Variants in KLHL1 observed in about 807,000 individuals in gnomAD.
The protein encoded by KLHL1 is kelch-like protein 1.
In KLHL1, 47 loss-of-function variants were observed where a neutral mutation model predicts 77.7. The ratio of observed to expected loss-of-function variants is 0.60; its 90% CI spans 0.48 to 0.77. KLHL1 has a LOEUF of 0.77. Ranked by LOEUF, KLHL1 falls within the 30% of genes least tolerant of loss-of-function variation. The probability of loss-of-function intolerance (pLI) is 0.00; values close to 1 mark genes in which losing one functional copy is unlikely to be tolerated. For missense variants in KLHL1, 925 were observed against 910.8 expected (o/e 1.02, Z -0.20); for synonymous variants, 360 against 325.2 (o/e 1.11, Z -1.15).
At chr13:69,713,371 A>T (rs986235819) in intron 9 of KLHL1, among the ~76,000 whole-genome samples, 2 of 152,124 alleles carry the variant, frequency 1.3e-5, no homozygotes, top group Admixed American at 1.3e-4. Context: ...TTCTCATTCT[A>T]ATGAAAATCA....
chr13:70,013,631 T>C (rs910874260), intron 1 of KLHL1, among the ~76,000 whole-genome samples: 3 of 152,140 alleles, frequency 2.0e-5, no homozygotes, highest in African/African-American at 7.2e-5. Flanking sequence ...AAATGAATTA[T>C]GTTTCCTTAG....
intron 1 of KLHL1, among the ~76,000 whole-genome samples, chr13:70,003,806 G>T (rs1483871748): frequency 1.3e-5 from 2 of 151,644 alleles, no homozygotes; most frequent in Admixed American, 6.6e-5. Flanking sequence ...TAGGAGTAAG[G>T]AATTAAGTAG....
At chr13:70,000,278 A>G (rs1022849643) in intron 1 of KLHL1, among the ~76,000 whole-genome samples, 13 of 152,170 alleles carry the variant, frequency 8.5e-5, no homozygotes, top group African/African-American at 2.9e-4. Flanking sequence ...TAAAGACAAA[A>G]AAGAATAGCT....
intron 1 of KLHL1, among the ~76,000 whole-genome samples, chr13:70,075,561 G>GTA (rs369733589): frequency 0.41 from 47,719 of 117,094 alleles, 10,355 homozygotes; most frequent in African/African-American, 0.52. Context: ...ACCTGTGTGT[G>GTA]TGTATGTGTA....
chr13:69,931,472 A>C (rs1883002761), intron 4 of KLHL1, among the ~76,000 whole-genome samples: 2 of 151,732 alleles, frequency 1.3e-5, no homozygotes, highest in Admixed American at 6.6e-5. Flanking sequence ...CCTAAAGTAC[A>C]TTGGTCTGGC....
At chr13:69,853,583 A>T (rs1464774832) in intron 5 of KLHL1, among the ~76,000 whole-genome samples, 2 of 152,044 alleles carry the variant, frequency 1.3e-5, no homozygotes, top group African/African-American at 2.4e-5. Context: ...GTAGAAAGTC[A>T]TTGCAAGCAG....
At chr13:70,047,952 T>C (rs567011829) in intron 1 of KLHL1, among the ~76,000 whole-genome samples, 1 of 152,256 alleles carries the variant, frequency 6.6e-6, no homozygotes, top group East Asian at 1.9e-4. Flanking sequence ...CTGAGTCCCT[T>C]AGAACAAGAC....
intron 3 of KLHL1, among the ~76,000 whole-genome samples, chr13:69,950,545 C>T (rs768514223): frequency 5.3e-5 from 8 of 151,382 alleles, no homozygotes; most frequent in African/African-American, 1.2e-4. Flanking sequence ...ATGCAACACT[C>T]GAGGAAATTT....
intron 4 of KLHL1, among the ~76,000 whole-genome samples, chr13:69,937,903 T>A (rs1702354229): frequency 6.6e-6 from 1 of 152,146 alleles, no homozygotes; most frequent in Non-Finnish European, 1.5e-5. Context: ...GCAAGAAATT[T>A]AAAAATTTTG....
chr13:70,033,337 T>C (rs1211043701), intron 1 of KLHL1, among the ~76,000 whole-genome samples: 1 of 152,128 alleles, frequency 6.6e-6, no homozygotes, highest in Non-Finnish European at 1.5e-5. Context: ...TCGCCCAGGC[T>C]GGAGGGCAGT....
intron 6 of KLHL1, among the ~76,000 whole-genome samples, chr13:69,826,882 T>A (rs1878571144): frequency 6.6e-6 from 1 of 150,562 alleles, no homozygotes; most frequent in South Asian, 2.1e-4. Flanking sequence ...TTAATAAGAA[T>A]ATATTAATTG....
chr13:69,981,580 T>C (rs541582316), intron 1 of KLHL1, among the ~76,000 whole-genome samples: 3 of 152,184 alleles, frequency 2.0e-5, no homozygotes, highest in African/African-American at 7.2e-5. Flanking sequence ...TTAGTGTGTA[T>C]TTCAGGCAAT....
chr13:70,095,368 C>T (rs958704870), intron 1 of KLHL1, among the ~76,000 whole-genome samples: 1 of 151,998 alleles, frequency 6.6e-6, no homozygotes, highest in Non-Finnish European at 1.5e-5. Context: ...AATTGTGGAA[C>T]CTATTGGAAA....
intron 2 of KLHL1, among the ~76,000 whole-genome samples, chr13:69,974,042 A>G (rs1327714726): frequency 6.6e-6 from 1 of 151,984 alleles, no homozygotes; most frequent in Non-Finnish European, 1.5e-5. Context: ...GGGTCTCTGA[A>G]CAGCTTGTGG....
chr13:69,748,825 AT>A (rs1212429184), intron 7 of KLHL1, among the ~76,000 whole-genome samples: 2 of 151,930 alleles, frequency 1.3e-5, no homozygotes, highest in Non-Finnish European at 2.9e-5. Flanking sequence ...GAAATTAAGA[AT>A]TGCAAGCAGA....
At chr13:69,726,041 T>C (rs898971444) in intron 8 of KLHL1, among the ~76,000 whole-genome samples, 35 of 152,166 alleles carry the variant, frequency 2.3e-4, no homozygotes, top group Non-Finnish European at 2.9e-5. Context: ...TTCCCTGAAA[T>C]TTAGCTTTAT....
In KLHL1 at chr13:69,882,477, T is replaced by G; in HGVS notation, c.1033A>C (p.Ile345Leu). Residue 345 changes from isoleucine (I) to leucine (L), a missense_variant, in exon 5 of 11, where the codon ATC becomes CTC. Transcript: ENST00000377844. ...AGGAGTAAAAACTCTTGATTTCTGATAACTTCCATTATGTTTTCCTGCAGG... is the reference window on the plus strand; with the variant it reads ...AGGAGTAAAAACTCTTGATTTCTGAGAACTTCCATTATGTTTTCCTGCAGG... ...SYTMENIMEVIRNQEFLLLPA... is the reference protein window; with the variant it reads ...SYTMENIMEVLRNQEFLLLPA... 1 of 1,612,038 alleles carries G rather than the reference T, an allele frequency of 6.2e-7. No individual in the cohort carries two copies. Among genetic ancestry groups the G allele is most frequent in the African/African-American group, 1.3e-5 (1 of 75,028 alleles).
rs775109435 is a variant in KLHL1, at chr13:69,784,882, A to ATTTTTT, written c.1639+11850_1639+11855dup. Among the ~76,000 whole-genome samples, 383 of 79,504 alleles carry ATTTTTT rather than the reference A, an allele frequency of 4.8e-3. 17 individuals carry two copies. The highest frequency in any genetic ancestry group is 0.014 in the Middle Eastern group (1 of 70). 52.2% of individuals were successfully genotyped at this position (79,504 alleles called of 152,430 possible). On this transcript the variant is annotated intron_variant, in intron 7 of 10. Coordinates refer to ENST00000377844, the MANE Select transcript of KLHL1 (RefSeq NM_020866.3). ...TCCACCCCAAATCAACAGAATATAC[A>ATTTTTT]TTTTTTTTTTTTTTTTTTTTTTTTT... is the stretch of plus-strand genomic sequence containing the variant.
rs1013007014 is a variant in KLHL1 at position 70,098,470 on chromosome 13, T to C, written c.497+8733A>G. ...TATACTAATGCATGATAGTAAGTCA[T>C]TGAAATTTACTACAATTTATGAGAC... is the stretch of plus-strand genomic sequence containing the variant. On this transcript the variant is annotated intron_variant, in intron 1 of 10. Coordinates refer to ENST00000377844, the MANE Select transcript of KLHL1 (RefSeq NM_020866.3). Among the ~76,000 whole-genome samples, 7 of 151,980 alleles carry C rather than the reference T, an allele frequency of 4.6e-5. No homozygotes were observed. The East Asian group carries it at 5.8e-4, about 13-fold the overall frequency.
Sources: allele counts gnomAD v4.1 joint callset (sites outside exome capture counted in the v4.1 genomes callset), GRCh38; gene constraint gnomAD v4.1.1; transcripts MANE v1.5; gene names NCBI Gene and HGNC (gene_info 2026-07-23, HGNC 2026-07-21).